DOCK1: variants seen among roughly 807,000 people sequenced by gnomAD.
DOCK1 encodes the protein dedicator of cytokinesis 1, also known as dedicator of cytokinesis protein 1.
Under a neutral mutation model 262.7 loss-of-function variants are expected in DOCK1, and 138 were observed. The ratio of observed to expected loss-of-function variants is 0.53; its 90% CI spans 0.46 to 0.61. DOCK1 has a LOEUF of 0.61. Among genes scored for constraint, DOCK1 ranks in the 20% least tolerant of loss-of-function variants. The pLI is 0.00. For synonymous variants in DOCK1, 866 were observed against 867.4 expected (o/e 1.00, Z 0.03); for missense variants, 1,908 against 2,370.7 (o/e 0.80, Z 4.05).
chr10:127,078,889 C>A (rs1167494734), intron 23 of DOCK1, among the ~76,000 whole-genome samples: 2 of 152,176 alleles, frequency 1.3e-5, no homozygotes, highest in Non-Finnish European at 2.9e-5. Flanking sequence ...TTTCCTTGTT[C>A]TCATACTTAA....
chr10:127,274,600 G>GT (rs1170860755), intron 29 of DOCK1, among the ~76,000 whole-genome samples: 1 of 152,160 alleles, frequency 6.6e-6, no homozygotes, highest in African/African-American at 2.4e-5. Flanking sequence ...ACATGAACCT[G>GT]TACAAACTAG....
intron 31 of DOCK1, among the ~76,000 whole-genome samples, chr10:127,349,757 TCC>T (rs1198020099): frequency 6.6e-6 from 1 of 152,166 alleles, no homozygotes; most frequent in African/African-American, 2.4e-5. Flanking sequence ...TCTCCTGGCT[TCC>T]GGTGGCTGCC....
chr10:127,126,577 G>A (rs1028114984), intron 26 of DOCK1, among the ~76,000 whole-genome samples: 2 of 152,032 alleles, frequency 1.3e-5, no homozygotes, highest in African/African-American at 4.8e-5. Context: ...GAAAATGAAA[G>A]AAAAAATAAA....
At chr10:127,072,119 G>C (rs1362512680) in intron 23 of DOCK1, among the ~76,000 whole-genome samples, 2 of 152,192 alleles carry the variant, frequency 1.3e-5, no homozygotes, top group Non-Finnish European at 2.9e-5. Flanking sequence ...AACATGCAAG[G>C]TGCCAGTGAG....
chr10:127,288,289 A>G (rs1215395065), intron 29 of DOCK1, among the ~76,000 whole-genome samples: 1 of 152,124 alleles, frequency 6.6e-6, no homozygotes, highest in Non-Finnish European at 1.5e-5. Flanking sequence ...TTTTGATGTG[A>G]CAAAATATCT....
chr10:126,937,618 C>A (rs1474494547), intron 1 of DOCK1, among the ~76,000 whole-genome samples: 1 of 150,784 alleles, frequency 6.6e-6, no homozygotes, highest in Non-Finnish European at 1.5e-5. Flanking sequence ...TGATGTTGAG[C>A]TTTTTTTTCA....
In DOCK1 at chr10:127,121,352, A is replaced by G. The variant is rs183581257; in HGVS notation, c.2624-4122A>G. Among the ~76,000 whole-genome samples, 14 of 151,870 alleles carry G rather than the reference A, an allele frequency of 9.2e-5. No individual in the cohort carries two copies. The East Asian group carries it at 2.7e-3, about 29-fold the overall frequency. ...TTTGTCCATGGGAAAAGTATTCAGG[A>G]CATTTAGGTGTGTTGTCCATAGGAA... On this transcript the variant is annotated intron_variant, in intron 25 of 51. Coordinates refer to ENST00000623213, the MANE Select transcript of DOCK1 (RefSeq NM_001290223.2).
At chr10:126,980,713 A>C (rs1400745914) in intron 3 of DOCK1, among the ~76,000 whole-genome samples, 1 of 148,404 alleles carries the variant, frequency 6.7e-6, no homozygotes, top group African/African-American at 2.5e-5. Flanking sequence ...TGCATCATTC[A>C]GGGCTGAATG....
intron 33 of DOCK1, among the ~76,000 whole-genome samples, chr10:127,367,202 G>C (rs1206069479): frequency 1.3e-5 from 2 of 152,182 alleles, no homozygotes; most frequent in African/African-American, 4.8e-5. Context: ...TTCTGCTCTT[G>C]TGCTCGTGCT....
intron 13 of DOCK1, among the ~76,000 whole-genome samples, chr10:127,021,857 G>A (rs559967206): frequency 1.2e-3 from 184 of 152,128 alleles, no homozygotes; most frequent in African/African-American, 4.1e-3. Context: ...AAACAAGAAA[G>A]CAAGGAGCAA....
chr10:127,362,250 T>C (rs1590693308), intron 33 of DOCK1, 38 bp downstream of exon 33: 1 of 1,594,340 alleles, frequency 6.3e-7, no homozygotes, highest in Non-Finnish European at 8.5e-7. Flanking sequence ...CCGGGGGACA[T>C]GAGGGAGGCA....
intron 27 of DOCK1, among the ~76,000 whole-genome samples, chr10:127,227,879 GC>G (rs2058700598): frequency 6.6e-6 from 1 of 152,154 alleles, no homozygotes; most frequent in Admixed American, 6.5e-5. Flanking sequence ...AACCTTAGAA[GC>G]CAAATCTTAG....
intron 25 of DOCK1, among the ~76,000 whole-genome samples, chr10:127,116,249 A>G (rs903510892): frequency 6.6e-6 from 1 of 152,190 alleles, no homozygotes; most frequent in African/African-American, 2.4e-5. Flanking sequence ...GACAGTGTTC[A>G]TGAGTCTTTT....
intron 23 of DOCK1, 84 bp from the exon 24 acceptor site, chr10:127,106,147 C>A: frequency 1.5e-6 from 2 of 1,327,818 alleles, no homozygotes; most frequent in Non-Finnish European, 1.0e-6. Context: ...AGTATTTCTG[C>A]GGTTCTTCTC....
intron 46 of DOCK1, among the ~76,000 whole-genome samples, chr10:127,424,288 G>A (rs765635332): frequency 3.9e-5 from 6 of 152,186 alleles, no homozygotes; most frequent in Non-Finnish European, 7.3e-5. Flanking sequence ...TCAGATTGCA[G>A]TTCGAGCAGC....
chr10:127,114,203 T>A (rs2049035343), intron 25 of DOCK1, among the ~76,000 whole-genome samples: 1 of 152,196 alleles, frequency 6.6e-6, no homozygotes, highest in African/African-American at 2.4e-5. Context: ...GCTCTTCTGC[T>A]GGTACCTAGC....
chr10:127,416,216 C>G (rs1325422491), intron 44 of DOCK1, among the ~76,000 whole-genome samples: 1 of 152,248 alleles, frequency 6.6e-6, no homozygotes, highest in African/African-American at 2.4e-5. Flanking sequence ...GGGTCACTTT[C>G]TGCTCTGGAG....
At chr10:127,428,128 G>A (rs1039898632) in intron 47 of DOCK1, among the ~76,000 whole-genome samples, 4 of 152,230 alleles carry the variant, frequency 2.6e-5, no homozygotes, top group East Asian at 1.9e-4. Flanking sequence ...TTCGGAGTGC[G>A]TCACATCGCA....
At chr10:126,977,005 G>T (rs1486787370) in intron 2 of DOCK1, among the ~76,000 whole-genome samples, 1 of 152,198 alleles carries the variant, frequency 6.6e-6, no homozygotes, top group Non-Finnish European at 1.5e-5. Context: ...AAAATGCCAG[G>T]ATTATAGGCG....
Sources: gnomAD v4.1 joint callset for allele counts (sites outside exome capture counted in the v4.1 genomes callset) on GRCh38, gnomAD v4.1.1 for gene constraint, MANE v1.5 for transcripts, NCBI Gene and HGNC (gene_info 2026-07-23, HGNC 2026-07-21) for gene names.